Variants in FBXL7 observed in about 807,000 individuals in gnomAD.
The protein encoded by FBXL7 is F-box/LRR-repeat protein 7.
Under a neutral mutation model 38.3 loss-of-function variants are expected in FBXL7, and 12 were observed. That is an observed-to-expected ratio of 0.31 (90% CI 0.20 to 0.51). FBXL7 has a LOEUF of 0.51. Among genes scored for constraint, FBXL7 ranks in the 20% least tolerant of loss-of-function variants. The pLI, the probability that FBXL7 is intolerant of heterozygous loss-of-function variation, is 0.98. For synonymous variants in FBXL7, 297 were observed against 300.9 expected (o/e 0.99, Z 0.13); for missense variants, 567 against 676.4 (o/e 0.84, Z 1.79).
At chr5:15,619,348 T>C (rs1445122990) in intron 2 of FBXL7, among the ~76,000 whole-genome samples, 2 of 152,172 alleles carry the variant, frequency 1.3e-5, no homozygotes, top group Non-Finnish European at 2.9e-5. Flanking sequence ...TTACACTTTT[T>C]AGAGAGACAA....
chr5:15,905,036 C>T (rs567208480), intron 2 of FBXL7, among the ~76,000 whole-genome samples: 1 of 152,180 alleles, frequency 6.6e-6, no homozygotes, highest in African/African-American at 2.4e-5. Context: ...TGCTTCTCTG[C>T]ACTACATTTA....
At chr5:15,605,341 T>C (rs899316648) in intron 1 of FBXL7, among the ~76,000 whole-genome samples, 4 of 152,086 alleles carry the variant, frequency 2.6e-5, no homozygotes, top group Non-Finnish European at 5.9e-5. Context: ...CAAGTGTTCA[T>C]CAGCAGATGA....
At position 15,626,152 on chromosome 5, in the gene FBXL7, C is replaced by T. The variant is rs578242355; in HGVS notation, c.127+10080C>T. On this transcript the variant is annotated intron_variant, in intron 2 of 3. Coordinates refer to ENST00000504595, the MANE Select transcript of FBXL7 (RefSeq NM_012304.5). The stretch of plus-strand genomic sequence containing the variant: ...TAGGAAAGCTTTGCAAGACTTTAGC[C>T]TTTGAAGCTTAATGTGTTTTGGTGA... Among the ~76,000 whole-genome samples, 6 of 152,220 alleles carry T rather than the reference C, an allele frequency of 3.9e-5. No homozygotes were observed. In the East Asian group the frequency reaches 5.8e-4, roughly 15 times the overall value.
chr5:15,703,253 A>G (rs1743584805), intron 2 of FBXL7, among the ~76,000 whole-genome samples: 1 of 152,212 alleles, frequency 6.6e-6, no homozygotes, highest in African/African-American at 2.4e-5. Context: ...CTCAGCCTGA[A>G]TATTTTTACA....
At position 15,540,996 on chromosome 5, in the gene FBXL7, T is replaced by G. The variant is rs188652509; in HGVS notation, c.37+40283T>G. Among the ~76,000 whole-genome samples, 19 of 152,306 alleles carry G rather than the reference T, an allele frequency of 1.2e-4. 1 individual carries two copies. The East Asian group carries it at 3.7e-3, about 29-fold the overall frequency. On this transcript the variant is annotated intron_variant, in intron 1 of 3. Coordinates refer to ENST00000504595, the MANE Select transcript of FBXL7 (RefSeq NM_012304.5). ...GTTTATTATGTTTTAAGATTTTCTT[T>G]CATTTACTTTATCTTTCTTTTCCCT...
At chr5:15,920,208 G>T (rs1416574344) in intron 2 of FBXL7, among the ~76,000 whole-genome samples, 1 of 151,810 alleles carries the variant, frequency 6.6e-6, no homozygotes, top group Non-Finnish European at 1.5e-5. Context: ...AGTGAGCCAA[G>T]ATTGCACCAC....
chr5:15,751,600 G>C (rs1055720197), intron 2 of FBXL7, among the ~76,000 whole-genome samples: 27 of 152,178 alleles, frequency 1.8e-4, no homozygotes, highest in Admixed American at 1.6e-3. Flanking sequence ...CACACAAATA[G>C]AAGGGAATCA....
chr5:15,765,376 T>C (rs1489465384), intron 2 of FBXL7, among the ~76,000 whole-genome samples: 1 of 152,086 alleles, frequency 6.6e-6, no homozygotes, highest in Admixed American at 6.6e-5. Flanking sequence ...CCACACACTT[T>C]TGTCTGACAG....
At chr5:15,519,237 A>G (rs554470804) in intron 1 of FBXL7, among the ~76,000 whole-genome samples, 1 of 152,134 alleles carries the variant, frequency 6.6e-6, no homozygotes, top group East Asian at 1.9e-4. Flanking sequence ...CCAGCTACCT[A>G]GAGGCTGAGG....
chr5:15,758,708 T>G (rs367969300), intron 2 of FBXL7, among the ~76,000 whole-genome samples: 8 of 152,306 alleles, frequency 5.3e-5, no homozygotes, highest in African/African-American at 1.9e-4. Flanking sequence ...CTTAATAAAA[T>G]GTACCCACAG....
At chr5:15,554,030 C>T (rs150412162) in intron 1 of FBXL7, among the ~76,000 whole-genome samples, 42 of 152,280 alleles carry the variant, frequency 2.8e-4, no homozygotes, top group African/African-American at 9.1e-4. Flanking sequence ...GAAAAGTTAT[C>T]GTCTGATTCA....
rs185332476 is a variant in FBXL7 at position 15,605,874 on chromosome 5, T to C, written c.38-10109T>C. Among the ~76,000 whole-genome samples the C allele has an allele frequency of 3.9e-5, 6 of 152,336 alleles. No homozygotes were observed. The East Asian group carries it at 1.2e-3, about 29-fold the overall frequency. ...AAATATGTCTTTGGCCTTCTTAGAC[T>C]GGACATAAACCCAGTAGAATGACAG... On this transcript the variant is annotated intron_variant, in intron 1 of 3. Transcript: ENST00000504595.
At position 15,761,194 on chromosome 5, in the gene FBXL7, C is replaced by G. The variant is rs1736430867; in HGVS notation, c.127+145122C>G. ...GTCTGTTCTTTCCATTTCCTTTCCA[C>G]TGCTTCAGCATTGCTTACTAAGTAA... is the stretch of plus-strand genomic sequence containing the variant. On this transcript the variant is annotated intron_variant, in intron 2 of 3. Transcript: ENST00000504595. 2.0e-5 allele frequency among the ~76,000 whole-genome samples: 3 copies of G among 152,322 alleles called. No homozygotes were observed. The South Asian group carries it at 6.2e-4, about 32-fold the overall frequency.
At chr5:15,559,775 G>T (rs1011476978) in intron 1 of FBXL7, among the ~76,000 whole-genome samples, 12 of 152,214 alleles carry the variant, frequency 7.9e-5, no homozygotes, top group African/African-American at 2.7e-4. Flanking sequence ...TAAAACGCCT[G>T]GAGGCATGAT....
intron 2 of FBXL7, among the ~76,000 whole-genome samples, chr5:15,649,439 C>T (rs986314596): frequency 2.6e-5 from 4 of 152,142 alleles, no homozygotes; most frequent in Non-Finnish European, 5.9e-5. Flanking sequence ...CCTATGCATA[C>T]ACCTAGAAAA....
At chr5:15,645,678 G>A (rs1454647015) in intron 2 of FBXL7, among the ~76,000 whole-genome samples, 1 of 152,120 alleles carries the variant, frequency 6.6e-6, no homozygotes, top group Non-Finnish European at 1.5e-5. Context: ...AATTTTCTGG[G>A]TTTACAGGAC....
intron 1 of FBXL7, among the ~76,000 whole-genome samples, chr5:15,550,514 G>A (rs571331105): frequency 7.1e-6 from 1 of 141,556 alleles, no homozygotes; most frequent in East Asian, 2.0e-4. Context: ...AAGAGCCAAG[G>A]AGAACTGCAG....
chr5:15,888,655 T>C (rs186091286), intron 2 of FBXL7, among the ~76,000 whole-genome samples: 2 of 152,264 alleles, frequency 1.3e-5, no homozygotes, highest in Admixed American at 6.5e-5. Context: ...TAGAAAAAAA[T>C]CTAACAAGGA....
intron 1 of FBXL7, among the ~76,000 whole-genome samples, chr5:15,565,423 G>A (rs1454636511): frequency 6.6e-6 from 1 of 151,892 alleles, no homozygotes; most frequent in Non-Finnish European, 1.5e-5. Flanking sequence ...AGGTCATGTT[G>A]TATTAGTCAG....
Sources: allele counts gnomAD v4.1 joint callset (sites outside exome capture counted in the v4.1 genomes callset), GRCh38; gene constraint gnomAD v4.1.1; transcripts MANE v1.5; gene names NCBI Gene and HGNC (gene_info 2026-07-23, HGNC 2026-07-21).